SLC14A2: variants seen among roughly 807,000 people sequenced by gnomAD.
The protein encoded by SLC14A2 is urea transporter 2.
SLC14A2 carries 91 observed loss-of-function variants against 104.6 expected under a neutral mutation model. That is an observed-to-expected ratio of 0.87 (90% CI 0.73 to 1.04). The LOEUF (loss-of-function observed/expected upper bound fraction) is 1.04, where lower values mean the gene tolerates loss of function less well. Among genes scored for constraint, SLC14A2 ranks in the 50% least tolerant of loss-of-function variants. SLC14A2 has a pLI of 0.00. For synonymous variants in SLC14A2, 476 were observed against 466.4 expected (o/e 1.02, Z -0.27); for missense variants, 1,189 against 1,156.0 (o/e 1.03, Z -0.41).
At chr18:45,568,364 A>C (rs2044297162) in intron 2 of SLC14A2, among the ~76,000 whole-genome samples, 1 of 152,216 alleles carries the variant, frequency 6.6e-6, no homozygotes, top group Non-Finnish European at 1.5e-5. Flanking sequence ...TCTCCACCAG[A>C]GAAGCAGAGG....
intron 1 of SLC14A2, among the ~76,000 whole-genome samples, chr18:45,379,111 A>G (rs2085806544): frequency 6.6e-6 from 1 of 152,196 alleles, no homozygotes; most frequent in African/African-American, 2.4e-5. Flanking sequence ...ACCTAACAGG[A>G]CACATTAGAG....
intron 2 of SLC14A2, among the ~76,000 whole-genome samples, chr18:45,492,393 A>G (rs1020432315): frequency 6.6e-6 from 1 of 152,222 alleles, no homozygotes; most frequent in African/African-American, 2.4e-5. Context: ...GAAACTTACA[A>G]TCATGGTGGA....
At chr18:45,554,657 G>A (rs188716687) in intron 2 of SLC14A2, among the ~76,000 whole-genome samples, 95 of 152,256 alleles carry the variant, frequency 6.2e-4, no homozygotes, top group Middle Eastern at 3.4e-3. Flanking sequence ...GGAAGGATGG[G>A]GGTGTGGGGG....
chr18:45,361,724 G>GCTCGGCTT (rs1171526321), intron 1 of SLC14A2, among the ~76,000 whole-genome samples: 7 of 152,308 alleles, frequency 4.6e-5, no homozygotes, highest in East Asian at 1.9e-4. Context: ...GGCCAGGGCT[G>GCTCGGCTT]CTCGGCTTCT....
rs1430015379 is a variant in SLC14A2, at chr18:45,482,923, A to C, written c.-124-310A>C. 3.3e-5 allele frequency among the ~76,000 whole-genome samples: 5 copies of C among 152,224 alleles called. No homozygotes were observed. In the East Asian group the frequency reaches 9.6e-4, roughly 29 times the overall value. ...ATTCATTAATATCTTATTCAATGAA[A>C]GAAAAGGTCACAAAACAGCAAGGAC... On this transcript the variant is annotated intron_variant, in intron 1 of 20. Transcript: ENST00000586448.
Position 45,581,608 on chromosome 18 carries a change from G to A in SLC14A2, c.-34-43023G>A, listed in dbSNP as rs561094726. Among the ~76,000 whole-genome samples the A allele has an allele frequency of 7.2e-5, 11 of 152,252 alleles. No individual in the cohort carries two copies. The South Asian group carries it at 1.0e-3, about 14-fold the overall frequency. ...CTCTGCCACTCACCCAAGGTAAGTG[G>A]TGTATCTCCTCCGAGCCTCAGTTTT... On this transcript the variant is annotated intron_variant, in intron 2 of 20. Transcript: ENST00000586448.
chr18:45,635,035 G>GAA, intron 5 of SLC14A2: 21 of 255,868 alleles, frequency 8.2e-5, no homozygotes, highest in South Asian at 3.6e-4. Flanking sequence ...CCAAGGAGAG[G>GAA]AAAAAAAAAA....
At chr18:45,274,860 G>C (rs2084686300) in intron 1 of SLC14A2, among the ~76,000 whole-genome samples, 1 of 152,248 alleles carries the variant, frequency 6.6e-6, no homozygotes, top group African/African-American at 2.4e-5. Flanking sequence ...CGTGATTTTT[G>C]GTGTGTGTTT....
At chr18:45,581,230 G>T (rs1486213519) in intron 2 of SLC14A2, among the ~76,000 whole-genome samples, 2 of 152,192 alleles carry the variant, frequency 1.3e-5, no homozygotes, top group African/African-American at 2.4e-5. Flanking sequence ...TGTGGGCCCA[G>T]CGATGAGGGC....
chr18:45,276,847 T>A (rs1239980912), intron 1 of SLC14A2, among the ~76,000 whole-genome samples: 1 of 152,212 alleles, frequency 6.6e-6, no homozygotes, highest in Non-Finnish European at 1.5e-5. Context: ...AGACCCGACT[T>A]TCCACTGTAG....
chr18:45,356,288 TG>T (rs1457825702), intron 1 of SLC14A2, among the ~76,000 whole-genome samples: 1 of 152,162 alleles, frequency 6.6e-6, no homozygotes, highest in African/African-American at 2.4e-5. Flanking sequence ...TGGGACAAAA[TG>T]AGATCATGGA....
intron 1 of SLC14A2, among the ~76,000 whole-genome samples, chr18:45,399,664 G>GT (rs146983755): frequency 6.6e-6 from 1 of 152,070 alleles, no homozygotes; most frequent in Non-Finnish European, 1.5e-5. Flanking sequence ...ATGGTGGGAT[G>GT]TTTTTTTCCA....
intron 2 of SLC14A2, among the ~76,000 whole-genome samples, chr18:45,575,085 A>G (rs2044400770): frequency 6.6e-6 from 1 of 152,176 alleles, no homozygotes; most frequent in Admixed American, 6.5e-5. Context: ...TGAGGTGAAA[A>G]AGAGGGCAGT....
intron 2 of SLC14A2, among the ~76,000 whole-genome samples, chr18:45,493,621 C>T (rs920696468): frequency 6.6e-6 from 1 of 152,228 alleles, no homozygotes; most frequent in Non-Finnish European, 1.5e-5. Flanking sequence ...ACTCGAGAGA[C>T]TGTGCCAGAA....
intron 2 of SLC14A2, among the ~76,000 whole-genome samples, chr18:45,582,738 T>A (rs2044512080): frequency 6.6e-6 from 1 of 152,214 alleles, no homozygotes; most frequent in Non-Finnish European, 1.5e-5. Context: ...TTACTCCTGC[T>A]GGCTCTTCCC....
chr18:45,206,350 A>G, the SLC14A2 span, among the ~76,000 whole-genome samples: 1 of 152,110 alleles, frequency 6.6e-6, no homozygotes, highest in Non-Finnish European at 1.5e-5. Flanking sequence ...CATTTGTGAC[A>G]TGAGGGTATT....
intron 1 of SLC14A2, among the ~76,000 whole-genome samples, chr18:45,329,232 A>G (rs2085266031): frequency 6.6e-6 from 1 of 152,156 alleles, no homozygotes; most frequent in Admixed American, 6.5e-5. Context: ...CTTCTGTATT[A>G]TGGAGCAGAT....
chr18:45,418,494 A>G (rs2086302640), intron 1 of SLC14A2, among the ~76,000 whole-genome samples: 1 of 152,140 alleles, frequency 6.6e-6, no homozygotes, highest in Non-Finnish European at 1.5e-5. Context: ...GAGACATATG[A>G]GTGTTTGGTA....
intron 2 of SLC14A2, among the ~76,000 whole-genome samples, chr18:45,502,528 A>C (rs150244841): frequency 1.3e-5 from 2 of 152,178 alleles, no homozygotes; most frequent in African/African-American, 2.4e-5. Context: ...AAGGGTCACT[A>C]TATCCTCATA....
Sources: allele counts gnomAD v4.1 joint callset (sites outside exome capture counted in the v4.1 genomes callset), GRCh38; gene constraint gnomAD v4.1.1; transcripts MANE v1.5; gene names NCBI Gene and HGNC (gene_info 2026-07-23, HGNC 2026-07-21).